The following SLC36A3 variants were observed in gnomAD, a reference collection of about 807,000 sequenced individuals.
SLC36A3 encodes proton-coupled amino acid transporter 3.
In SLC36A3, 35 loss-of-function variants were observed where a neutral mutation model predicts 44.3. The observed-to-expected ratio is 0.79, with a 90% confidence interval of 0.60 to 1.05. SLC36A3 has a LOEUF of 1.05. Among genes scored for constraint, SLC36A3 ranks in the 50% least tolerant of loss-of-function variants. The probability of loss-of-function intolerance (pLI) is 0.00; values close to 1 mark genes in which losing one functional copy is unlikely to be tolerated. For synonymous variants in SLC36A3, 211 were observed against 227.6 expected (o/e 0.93, Z 0.66); for missense variants, 540 against 578.7 (o/e 0.93, Z 0.69).
rs934268048 is a variant in SLC36A3 at position 151,277,235 on chromosome 5, A to G, written c.*158T>C. On this transcript the variant is annotated 3_prime_UTR_variant, in exon 10 of 10. Transcript: ENST00000335230. ...CCAAAAGAGGTGTAGCCTGAGAGAC[A>G]TCAGTGCTAACTTTTCTCATCTGCA... is the stretch of plus-strand genomic sequence containing the variant. The G allele has an allele frequency of 6.0e-6, 6 of 1,002,076 alleles. No homozygotes were observed. The highest frequency in any genetic ancestry group is 1.4e-6 in the Non-Finnish European group (1 of 693,702). The allele number at this position is 1,002,076 out of a possible 1,614,324, so 62.1% of individuals were successfully genotyped here.
chr5:151,289,331 GT>G (rs1044815671), intron 4 of SLC36A3, among the ~76,000 whole-genome samples: 8 of 151,778 alleles, frequency 5.3e-5, no homozygotes, highest in African/African-American at 1.9e-4. Flanking sequence ...ACCTTTTGTA[GT>G]TATTTTATTT....
chr5:151,303,004 G>A (rs1008820151), intron 1 of SLC36A3, among the ~76,000 whole-genome samples: 1 of 152,182 alleles, frequency 6.6e-6, no homozygotes, highest in Non-Finnish European at 1.5e-5. Context: ...CATGTTGAGG[G>A]TGGCTGCTCT....
chr5:151,290,120 C>T (rs867076102), intron 4 of SLC36A3, among the ~76,000 whole-genome samples: 8 of 152,098 alleles, frequency 5.3e-5, no homozygotes, highest in Non-Finnish European at 7.4e-5. Context: ...ATATCTTATA[C>T]TCTGTTATTG....
At position 151,277,507 on chromosome 5, in the gene SLC36A3, G is replaced by A; in HGVS notation, c.1299C>T (p.Ile433=). ...CTAAAAGGCCCACGATGCTAATCAT[G>A]ATGTCCTTGGCAATGGTGACACAGC... The part of the protein sequence containing the change: ...DMSCVTIAKD[I]MISIVGLLGC... Residue 433 remains isoleucine, a synonymous_variant, in exon 10 of 10, where the codon ATC becomes ATT. Transcript: ENST00000335230. 1 of 1,614,208 alleles carries A rather than the reference G, an allele frequency of 6.2e-7. No homozygotes were observed. Among genetic ancestry groups the A allele is most frequent in the Admixed American group, 1.7e-5 (1 of 60,028 alleles).
chr5:151,296,839 G>T (rs1315148631), intron 2 of SLC36A3: 3 of 154,370 alleles, frequency 1.9e-5, no homozygotes, highest in Admixed American at 6.5e-5. Context: ...AGATTGTAAA[G>T]GTCTTTGGCT....
chr5:151,300,923 A>G (rs1251920408), intron 1 of SLC36A3, among the ~76,000 whole-genome samples: 3 of 152,246 alleles, frequency 2.0e-5, no homozygotes, highest in Non-Finnish European at 4.4e-5. Context: ...TTCTGTATGA[A>G]TAAATGTGCT....
intron 1 of SLC36A3, among the ~76,000 whole-genome samples, chr5:151,299,908 A>G (rs1257920180): frequency 6.6e-6 from 1 of 151,130 alleles, no homozygotes; most frequent in Non-Finnish European, 1.5e-5. Flanking sequence ...TCATTGTCTC[A>G]TCATCATCAT....
At position 151,284,105 on chromosome 5, in the gene SLC36A3, C is replaced by T. The variant is rs781729062; in HGVS notation, c.913G>A (p.Gly305Ser). 3.1e-6 allele frequency: 5 copies of T among 1,613,952 alleles called. No homozygotes were observed. In the African/African-American group the frequency reaches 4.0e-5, roughly 13 times the overall value. ...GTGTCTGACCCAAACTTCATGTAGC[C>T]CAGTGTCCCCAGTAAGATATAGAGG... ...IILYILLGTLGYMKFGSDTQA... is the reference protein window; with the variant it reads ...IILYILLGTLSYMKFGSDTQA... The change falls in exon 8 of 10, where the codon GGC (glycine) becomes AGC (serine). Residue 305 changes from glycine (G) to serine (S), a missense_variant. Physicochemically the swap from Gly to Ser is moderately conservative, Grantham distance 56. Transcript: ENST00000335230.
At chr5:151,299,225 GCTCTCTCTCTCTCTCT>G (rs61382152) in intron 1 of SLC36A3, among the ~76,000 whole-genome samples, 88 of 92,360 alleles carry the variant, frequency 9.5e-4, no homozygotes, top group Admixed American at 2.9e-3. Context: ...TTGCTTGTGC[GCTCTCTCTCTCTCTCT>G]CTCTCTCTCT....
chr5:151,282,974 T>G (rs1373141327), intron 8 of SLC36A3, among the ~76,000 whole-genome samples: 1 of 151,726 alleles, frequency 6.6e-6, no homozygotes, highest in African/African-American at 2.4e-5. Flanking sequence ...AACCTCTGCC[T>G]CACAGGCTCA....
At chr5:151,293,259 T>C in intron 4 of SLC36A3, 105 bp downstream of exon 4, 1 of 940,356 alleles carries the variant, frequency 1.1e-6, no homozygotes, top group Non-Finnish European at 1.6e-6. Context: ...TATTGTTTGA[T>C]AGTTTACAAT....
chr5:151,279,509 A>C (rs1037976980), intron 9 of SLC36A3, among the ~76,000 whole-genome samples: 1 of 152,218 alleles, frequency 6.6e-6, no homozygotes, highest in Non-Finnish European at 1.5e-5. Flanking sequence ...ATGGATGAAG[A>C]ATGGGACTTT....
At chr5:151,301,415 C>T (rs1406464423) in intron 1 of SLC36A3, among the ~76,000 whole-genome samples, 1 of 152,138 alleles carries the variant, frequency 6.6e-6, no homozygotes, top group East Asian at 1.9e-4. Flanking sequence ...AGTTATTTTG[C>T]AGACCCTGCA....
In SLC36A3 at chr5:151,277,244, A is replaced by G. The variant is rs776503065; in HGVS notation, c.*149T>C. 9.8e-5 allele frequency: 110 copies of G among 1,123,558 alleles called. No individual in the cohort carries two copies. Among genetic ancestry groups the G allele is most frequent in the Middle Eastern group, 3.0e-4 (1 of 3,286 alleles). The allele number at this position is 1,123,558 out of a possible 1,614,324, so 69.6% of individuals were successfully genotyped here. On this transcript the variant is annotated 3_prime_UTR_variant, in exon 10 of 10. Transcript: ENST00000335230. ...GTGTAGCCTGAGAGACATCAGTGCTAACTTTTCTCATCTGCATTTCTCTTG... is the reference window on the plus strand; with the variant it reads ...GTGTAGCCTGAGAGACATCAGTGCTGACTTTTCTCATCTGCATTTCTCTTG...
intron 8 of SLC36A3, among the ~76,000 whole-genome samples, chr5:151,282,989 A>G (rs1754386388): frequency 6.6e-6 from 1 of 151,858 alleles, no homozygotes; most frequent in African/African-American, 2.4e-5. Context: ...GGCTCAAGCA[A>G]TTCTTCTGCC....
At chr5:151,301,586 C>A (rs900506736) in intron 1 of SLC36A3, among the ~76,000 whole-genome samples, 2 of 152,102 alleles carry the variant, frequency 1.3e-5, no homozygotes, top group Non-Finnish European at 2.9e-5. Context: ...AAGCTCCTAC[C>A]CACCAAATTA....
In SLC36A3 at chr5:151,296,191, G is replaced by T; in HGVS notation, c.297C>A (p.His99Gln). 6.2e-7 allele frequency: 1 copy of T among 1,614,120 alleles called. No individual in the cohort carries two copies. The change falls in exon 3 of 10, where the codon CAC becomes CAA. Residue 99 changes from histidine (H) to glutamine (Q), a missense_variant. His to Gln is a conservative substitution (Grantham distance 24). Coordinates refer to ENST00000335230, the MANE Select transcript of SLC36A3 (RefSeq NM_181774.4). ...AGCAGGCCTCTGACCTCTGGCTGAG[G>T]TGTTGAGCACAGTTCAACAGGATGA... ...CMVILLNCAQHLSQRLQKTFV... is the reference protein window; with the variant it reads ...CMVILLNCAQQLSQRLQKTFV...
At chr5:151,279,298 A>G (rs562962279) in intron 9 of SLC36A3, among the ~76,000 whole-genome samples, 3 of 151,520 alleles carry the variant, frequency 2.0e-5, no homozygotes, top group African/African-American at 4.8e-5. Context: ...CATCTTAACA[A>G]TCATTGCAAT....
rs970475004 is a variant in SLC36A3, at chr5:151,283,922, CAT to C, written c.974+120_974+121del. The C allele has an allele frequency of 4.0e-6, 5 of 1,254,232 alleles. No homozygotes were observed. In the Admixed American group the frequency reaches 1.4e-4, roughly 34 times the overall value. 77.7% of individuals were successfully genotyped at this position (1,254,232 alleles called of 1,614,324 possible). A position where few individuals can be genotyped will look rare whatever the true frequency, so the allele number is the denominator to read the frequency against. Reference sequence around the variant, plus strand: ...ACTGATGCAGTGTGAGCAGGAGAGACATATGTCACTTCCAGTGATGGATTACC... The same window carrying C: ...ACTGATGCAGTGTGAGCAGGAGAGACATGTCACTTCCAGTGATGGATTACC... On this transcript the variant is annotated intron_variant, in intron 8 of 9. Coordinates refer to ENST00000335230, the MANE Select transcript of SLC36A3 (RefSeq NM_181774.4).
Sources: allele counts gnomAD v4.1 joint callset (sites outside exome capture counted in the v4.1 genomes callset), GRCh38; gene constraint gnomAD v4.1.1; transcripts MANE v1.5; gene names NCBI Gene and HGNC (gene_info 2026-07-23, HGNC 2026-07-21).